The following DIAPH2 variants were observed in gnomAD, a reference collection of about 807,000 sequenced individuals.
DIAPH2 encodes the protein diaphanous related formin 2, also known as protein diaphanous homolog 2.
Under a neutral mutation model 92.7 loss-of-function variants are expected in DIAPH2, and 35 were observed. That is an observed-to-expected ratio of 0.38 (90% CI 0.29 to 0.50). The LOEUF (loss-of-function observed/expected upper bound fraction) is 0.50. DIAPH2 is among the 20% of genes least tolerant of loss of function. DIAPH2 has a pLI of 0.94. For missense variants in DIAPH2, 701 were observed against 819.5 expected (o/e 0.86, Z 1.77); for synonymous variants, 301 against 280.4 (o/e 1.07, Z -0.73).
intron 23 of DIAPH2, among the ~76,000 whole-genome samples, chrX:97,339,842 T>C (rs1183090015): frequency 2.7e-5 from 3 of 111,978 alleles, no homozygotes; most frequent in Non-Finnish European, 5.6e-5. Context: ...GCATTGAATT[T>C]CTTATTTTCC....
intron 23 of DIAPH2, among the ~76,000 whole-genome samples, chrX:97,275,499 G>C (rs1244755111): frequency 2.8e-5 from 3 of 107,453 alleles, no homozygotes; most frequent in Non-Finnish European, 5.9e-5. Context: ...CTGCCGGGCG[G>C]AGGGGCTCCT....
At chrX:97,022,290 T>G (rs1424261419) in intron 17 of DIAPH2, among the ~76,000 whole-genome samples, 1 of 112,304 alleles carries the variant, frequency 8.9e-6, no homozygotes. Context: ...CTATGTGCAT[T>G]TGCATATAAG....
chrX:97,573,662 T>G (rs766449942), intron 26 of DIAPH2, among the ~76,000 whole-genome samples: 1 of 108,097 alleles, frequency 9.3e-6, no homozygotes, highest in African/African-American at 3.4e-5. Context: ...TTTTGTTTTT[T>G]TTTTTGTTTT....
At chrX:97,046,071 G>T (rs192529399) in intron 17 of DIAPH2, among the ~76,000 whole-genome samples, 73 of 107,846 alleles carry the variant, frequency 6.8e-4, no homozygotes, top group African/African-American at 2.3e-3. Flanking sequence ...TTAGCCAAGC[G>T]GTCTCGAACT....
intron 4 of DIAPH2, among the ~76,000 whole-genome samples, chrX:96,792,651 G>A (rs146397391): frequency 0.01 from 1,123 of 111,999 alleles, 14 homozygotes; most frequent in African/African-American, 0.034. Context: ...AATTGGGACT[G>A]CTTGTATAAC....
chrX:97,001,469 C>A (rs752622448), intron 17 of DIAPH2, among the ~76,000 whole-genome samples: 1 of 110,735 alleles, frequency 9.0e-6, no homozygotes, highest in Non-Finnish European at 1.9e-5. Context: ...ATAGTGAAAC[C>A]CTGTCTCTAC....
At chrX:97,199,373 TACATGTAC>T (rs1391270866) in intron 22 of DIAPH2, among the ~76,000 whole-genome samples, 1 of 111,333 alleles carries the variant, frequency 9.0e-6, no homozygotes, top group Non-Finnish European at 1.9e-5. Flanking sequence ...CATGCATATG[TACATGTAC>T]ACATGTATAT....
intron 17 of DIAPH2, among the ~76,000 whole-genome samples, chrX:97,010,755 T>A (rs1481732648): frequency 1.8e-5 from 2 of 112,215 alleles, no homozygotes; most frequent in Non-Finnish European, 3.8e-5. Flanking sequence ...TAGGTACAAC[T>A]ACGGTATGAT....
intron 3 of DIAPH2, among the ~76,000 whole-genome samples, chrX:96,753,118 C>A (rs1200525792): frequency 8.9e-6 from 1 of 111,889 alleles, no homozygotes; most frequent in African/African-American, 3.3e-5. Context: ...ACTCTTAGGC[C>A]AGGCTGTGAA....
intron 22 of DIAPH2, among the ~76,000 whole-genome samples, chrX:97,170,676 T>C (rs1028072781): frequency 1.8e-5 from 2 of 111,436 alleles, no homozygotes; most frequent in Non-Finnish European, 3.8e-5. Context: ...ACAAAAGTAA[T>C]AGTGTTCATT....
intron 20 of DIAPH2, among the ~76,000 whole-genome samples, chrX:97,109,380 C>G (rs1457881866): frequency 9.0e-6 from 1 of 111,530 alleles, no homozygotes; most frequent in Non-Finnish European, 1.9e-5. Flanking sequence ...TGTGATCACC[C>G]TACAGCACTC....
intron 26 of DIAPH2, among the ~76,000 whole-genome samples, chrX:97,545,418 CTGTT>C (rs1199183411): frequency 9.3e-6 from 1 of 107,613 alleles, no homozygotes; most frequent in Non-Finnish European, 1.9e-5. Flanking sequence ...GGCAAAATAA[CTGTT>C]TAGTTGAATT....
chrX:97,173,594 C>T (rs2067469651), intron 22 of DIAPH2, among the ~76,000 whole-genome samples: 1 of 110,824 alleles, frequency 9.0e-6, no homozygotes, highest in South Asian at 3.8e-4. Context: ...AAGTGTTCCG[C>T]TTAGGAGTAC....
chrX:97,554,134 C>CATG (rs2071241221), intron 26 of DIAPH2, among the ~76,000 whole-genome samples: 1 of 111,699 alleles, frequency 9.0e-6, no homozygotes, highest in African/African-American at 3.3e-5. Flanking sequence ...GTTCTGCTGT[C>CATG]ATGATGGCTA....
chrX:96,952,073 C>T (rs748502825), intron 15 of DIAPH2, among the ~76,000 whole-genome samples: 26 of 111,557 alleles, frequency 2.3e-4, no homozygotes, highest in African/African-American at 6.5e-4. Flanking sequence ...TTTTCTGAAC[C>T]TTTAATTTTG....
At chrX:97,188,518 T>TA (rs2147476547) in intron 22 of DIAPH2, among the ~76,000 whole-genome samples, 1 of 112,125 alleles carries the variant, frequency 8.9e-6, no homozygotes, top group Non-Finnish European at 1.9e-5. Context: ...GCTCAGTAGA[T>TA]AAAAAAGGAG....
Position 97,237,680 on chromosome X carries a change from C to T in DIAPH2, c.2720-10035C>T, listed in dbSNP as rs190549321. Among the ~76,000 whole-genome samples, 831 of 110,195 alleles carry T rather than the reference C, an allele frequency of 7.5e-3. 12 individuals carry two copies. The highest frequency in any genetic ancestry group is 0.026 in the African/African-American group (794 of 30,295). On this transcript the variant is annotated intron_variant, in intron 22 of 26. Transcript: ENST00000324765. ...CACTGCAAGCTCCACCTCCCGGGTT[C>T]GCGCCATTCTCTTGCCTCAGCCTCC... is the stretch of plus-strand genomic sequence containing the variant.
At chrX:96,856,443 T>G (rs960356605) in intron 4 of DIAPH2, among the ~76,000 whole-genome samples, 18 of 109,809 alleles carry the variant, frequency 1.6e-4, no homozygotes, top group Non-Finnish European at 3.4e-4. Context: ...TCAAGGTTTT[T>G]TTTTTTTTTT....
At position 97,599,918 on chromosome X, in the gene DIAPH2, T is replaced by G. The variant is rs1284009857; in HGVS notation, c.*601T>G. 1.8e-5 allele frequency: 2 copies of G among 112,646 alleles called. No individual in the cohort carries two copies. The highest frequency in any genetic ancestry group is 6.5e-5 in the African/African-American group (2 of 30,982). The allele number at this position is 112,646 out of a possible 1,213,427, so 9.3% of individuals were successfully genotyped here. A position where few individuals can be genotyped will look rare whatever the true frequency, so the allele number is the denominator to read the frequency against. ...AGCTGATGGATTCATCTGCTTTGGCTGAAATTAAACTTATCATTAGTCTAG... is the reference window on the plus strand; with the variant it reads ...AGCTGATGGATTCATCTGCTTTGGCGGAAATTAAACTTATCATTAGTCTAG... On this transcript the variant is annotated 3_prime_UTR_variant, in exon 27 of 27. Coordinates refer to ENST00000324765, the MANE Select transcript of DIAPH2 (RefSeq NM_006729.5).
Sources: gnomAD v4.1 joint callset for allele counts (sites outside exome capture counted in the v4.1 genomes callset) on GRCh38, gnomAD v4.1.1 for gene constraint, MANE v1.5 for transcripts, NCBI Gene and HGNC (gene_info 2026-07-23, HGNC 2026-07-21) for gene names.